Variants in KHDRBS1 observed in about 807,000 individuals in gnomAD.
The protein encoded by KHDRBS1 is KH domain-containing, RNA-binding, signal transduction-associated protein 1.
In KHDRBS1, 7 loss-of-function variants were observed where a neutral mutation model predicts 48.4. That is an observed-to-expected ratio of 0.14 (90% confidence interval 0.08 to 0.27). The LOEUF is 0.27. Among genes scored for constraint, KHDRBS1 ranks in the 10% least tolerant of loss-of-function variants. The probability of loss-of-function intolerance (pLI) is 1.00; values close to 1 mark genes in which losing one functional copy is unlikely to be tolerated. For synonymous variants in KHDRBS1, 241 were observed against 235.8 expected (o/e 1.02, Z -0.20); for missense variants, 458 against 601.2 (o/e 0.76, Z 2.49).
chr1:32,051,905 A>T (rs188341470), intron 10 of KHDRBS1, among the ~76,000 whole-genome samples: 185 of 152,194 alleles, frequency 1.2e-3, no homozygotes, highest in Non-Finnish European at 1.9e-3. Flanking sequence ...TGTCTTCTTG[A>T]TATGTTCCTG....
chr1:32,038,413 C>G (rs1415204350), intron 6 of KHDRBS1, 139 bp from the exon 7 acceptor site: 1 of 808,224 alleles, frequency 1.2e-6, no homozygotes, highest in African/African-American at 1.7e-5. Context: ...GACTATTCTA[C>G]AGTAGGCATT....
chr1:32,049,719 T>C (rs1639395242), intron 10 of KHDRBS1, among the ~76,000 whole-genome samples: 1 of 151,802 alleles, frequency 6.6e-6, no homozygotes, highest in South Asian at 2.1e-4. Context: ...TGGAGTGCAG[T>C]GGCACGATCT....
intron 4 of KHDRBS1, among the ~76,000 whole-genome samples, chr1:32,034,329 G>A (rs537181225): frequency 4.6e-5 from 7 of 152,302 alleles, no homozygotes; most frequent in South Asian, 2.1e-4. Flanking sequence ...TTGGGAGGCC[G>A]AGGAGGGCAG....
intron 2 of KHDRBS1, among the ~76,000 whole-genome samples, chr1:32,030,951 T>C (rs1301748771): frequency 6.6e-6 from 1 of 152,100 alleles, no homozygotes; most frequent in Non-Finnish European, 1.5e-5. Flanking sequence ...AAAATGTTGA[T>C]GTATGTTAAG....
intron 1 of KHDRBS1, among the ~76,000 whole-genome samples, chr1:32,024,459 C>T (rs935735450): frequency 3.3e-5 from 5 of 151,656 alleles, no homozygotes; most frequent in East Asian, 1.9e-4. Flanking sequence ...AACAGTTGTA[C>T]GCCACCACAC....
intron 1 of KHDRBS1, among the ~76,000 whole-genome samples, chr1:32,019,353 C>G (rs1013225447): frequency 6.6e-6 from 1 of 151,966 alleles, no homozygotes; most frequent in Non-Finnish European, 1.5e-5. Context: ...AGTTTAAGAC[C>G]AGCCTGACCA....
rs780943655 is a variant in KHDRBS1 at position 32,014,097 on chromosome 1, G to C, written c.102G>C (p.Pro34=). The C allele has an allele frequency of 6.9e-7, 1 of 1,446,144 alleles. No individual in the cohort carries two copies. Among genetic ancestry groups the C allele is most frequent in the South Asian group, 1.4e-5 (1 of 73,722 alleles). 89.6% of individuals were successfully genotyped at this position (1,446,144 alleles called of 1,614,324 possible). A position where few individuals can be genotyped will look rare whatever the true frequency, so the allele number is the denominator to read the frequency against. Residue 34 remains proline (P), a synonymous_variant, in exon 1 of 9, where the codon CCG becomes CCC. Transcript: ENST00000327300. ...SGAHPSVRQT[P]SRQPPLPHRS... ...CCCACCCCTCGGTGCGTCAGACGCC[G>C]TCTCGGCAGCCGCCGCTGCCTCACC...
chr1:32,026,626 T>A (rs1437646165), intron 1 of KHDRBS1, among the ~76,000 whole-genome samples: 1 of 152,224 alleles, frequency 6.6e-6, no homozygotes, highest in Non-Finnish European at 1.5e-5. Flanking sequence ...TTACATTGCA[T>A]ATAAACACAC....
intron 8 of KHDRBS1, among the ~76,000 whole-genome samples, chr1:32,040,096 C>T (rs1305302347): frequency 1.3e-5 from 2 of 152,072 alleles, no homozygotes; most frequent in African/African-American, 2.4e-5. Context: ...AGCAGCTAGC[C>T]AGACCAGGTT....
chr1:32,033,117 T>A lies in KHDRBS1; in HGVS notation c.625-71T>A, dbSNP rs1639113035. 1.2e-5 allele frequency: 15 copies of A among 1,238,214 alleles called. No homozygotes were observed. The Admixed American group carries it at 2.4e-4, about 20-fold the overall frequency. The allele number at this position is 1,238,214 out of a possible 1,614,324, so 76.7% of individuals were successfully genotyped here. Reference sequence around the variant, plus strand: ...CATTAGGGGTATTTCTTGCTGTTCCTTTGGCTTAGAGGTAAAGGTGGTGTT... The same window carrying A: ...CATTAGGGGTATTTCTTGCTGTTCCATTGGCTTAGAGGTAAAGGTGGTGTT... On this transcript the variant is annotated intron_variant, in intron 3 of 8. Transcript: ENST00000327300.
chr1:32,015,151 T>C (rs1638715368), intron 1 of KHDRBS1, among the ~76,000 whole-genome samples: 1 of 152,166 alleles, frequency 6.6e-6, no homozygotes. Flanking sequence ...AGAAGTTGCA[T>C]GATGCTTGTA....
chr1:32,057,866 C>G (rs1639498058), intron 10 of KHDRBS1, among the ~76,000 whole-genome samples: 1 of 151,500 alleles, frequency 6.6e-6, no homozygotes. Context: ...CCTGTAATCC[C>G]AGCACTTTGG....
At chr1:32,029,327 T>C (rs1413413478) in intron 1 of KHDRBS1, among the ~76,000 whole-genome samples, 1 of 152,256 alleles carries the variant, frequency 6.6e-6, no homozygotes, top group Non-Finnish European at 1.5e-5. Context: ...TATAACTTTT[T>C]ACATATCAGT....
chr1:32,025,033 C>T (rs1462030058), intron 1 of KHDRBS1, among the ~76,000 whole-genome samples: 14 of 151,600 alleles, frequency 9.2e-5, no homozygotes, highest in East Asian at 3.9e-4. Context: ...TTTGGGAGGC[C>T]GAAGTGGAAG....
chr1:32,030,397 T>C lies in KHDRBS1; in HGVS notation c.482T>C (p.Leu161Pro). The stretch of plus-strand genomic sequence containing the variant: ...AACATGAAACTGAAAGAGCGAGTGC[T>C]GATACCTGTCAAGCAGTATCCCAAG... ...HKNMKLKERV[L>P]IPVKQYPKFN... Residue 161 changes from leucine (L) to proline (P), a missense_variant, in exon 2 of 9, where the codon CTG (leucine) becomes CCG (proline). Around this residue, in one of 3 missense-constraint regions of KHDRBS1, gnomAD observed 74 missense variants for 156.9 expected, o/e 0.47. Transcript: ENST00000327300. The C allele has an allele frequency of 6.2e-7, 1 of 1,611,228 alleles. No homozygotes were observed. The highest frequency in any genetic ancestry group is 8.5e-7 in the Non-Finnish European group (1 of 1,178,856).
At chr1:32,029,550 G>A (rs1416426768) in intron 1 of KHDRBS1, among the ~76,000 whole-genome samples, 1 of 152,126 alleles carries the variant, frequency 6.6e-6, no homozygotes, top group Non-Finnish European at 1.5e-5. Context: ...CCAGCTACTT[G>A]GGAGGCTGAG....
At chr1:32,028,503 T>C (rs1047588572) in intron 1 of KHDRBS1, among the ~76,000 whole-genome samples, 9 of 137,704 alleles carry the variant, frequency 6.5e-5, no homozygotes, top group Non-Finnish European at 1.3e-4. Context: ...ATATATACTT[T>C]TTTTTTTTTT....
At chr1:32,056,147 T>C (rs1639477438) in intron 10 of KHDRBS1, among the ~76,000 whole-genome samples, 1 of 152,198 alleles carries the variant, frequency 6.6e-6, no homozygotes, top group African/African-American at 2.4e-5. Context: ...CTCTCATTCC[T>C]AGCCGGTACT....
intron 3 of KHDRBS1, among the ~76,000 whole-genome samples, chr1:32,032,567 G>GT (rs1341712044): frequency 6.6e-6 from 1 of 152,148 alleles, no homozygotes; most frequent in Non-Finnish European, 1.5e-5. Flanking sequence ...CTAGAATTAA[G>GT]TTTTTCTTCT....
Sources: allele counts gnomAD v4.1 joint callset (sites outside exome capture counted in the v4.1 genomes callset), GRCh38; gene constraint gnomAD v4.1.1; regional missense constraint gnomAD v4.1.1; transcripts MANE v1.5; gene names NCBI Gene and HGNC (gene_info 2026-07-23, HGNC 2026-07-21).